Variants in PHLPP1 observed in about 807,000 individuals in gnomAD.
PHLPP1 encodes PH domain and leucine rich repeat protein phosphatase 1.
Under a neutral mutation model 117.2 loss-of-function variants are expected in PHLPP1, and 42 were observed. The observed-to-expected ratio is 0.36, with a 90% confidence interval of 0.28 to 0.46. The LOEUF (loss-of-function observed/expected upper bound fraction) is 0.46, where lower values mean the gene tolerates loss of function less well. Ranked by LOEUF, PHLPP1 falls within the 20% of genes least tolerant of loss-of-function variation. The probability of loss-of-function intolerance (pLI) is 1.00; values close to 1 mark genes in which losing one functional copy is unlikely to be tolerated. For missense variants in PHLPP1, 2,084 were observed against 2,241.9 expected, an observed-to-expected ratio of 0.93 and a Z score of 1.42; for synonymous variants, 1,042 against 970.7, an observed-to-expected ratio of 1.07 and a Z score of -1.37.
At chr18:62,755,551 G>A (rs923764021) in intron 1 of PHLPP1, among the ~76,000 whole-genome samples, 2 of 152,104 alleles carry the variant, frequency 1.3e-5, no homozygotes, top group Admixed American at 6.6e-5. Context: ...TATAAAAGAC[G>A]CCTGAGAGAG....
At chr18:62,802,705 A>C (rs879859591) in intron 1 of PHLPP1, among the ~76,000 whole-genome samples, 1 of 152,146 alleles carries the variant, frequency 6.6e-6, no homozygotes, top group Admixed American at 6.5e-5. Flanking sequence ...TACTGTGTGA[A>C]AACACCGAGA....
chr18:62,849,799 A>C (rs1915279987), intron 3 of PHLPP1, among the ~76,000 whole-genome samples: 1 of 26,916 alleles, frequency 3.7e-5, no homozygotes, highest in Non-Finnish European at 7.2e-5. Context: ...TGTCTCTACA[A>C]AAAAAAAAAA....
At chr18:62,887,478 T>C (rs1916312279) in intron 4 of PHLPP1, among the ~76,000 whole-genome samples, 1 of 152,242 alleles carries the variant, frequency 6.6e-6, no homozygotes, top group Non-Finnish European at 1.5e-5. Context: ...TTCTAGAGGC[T>C]GTGAAGTCCA....
At chr18:62,844,182 CA>C (rs1915120259) in intron 3 of PHLPP1, among the ~76,000 whole-genome samples, 1 of 151,794 alleles carries the variant, frequency 6.6e-6, no homozygotes, top group Admixed American at 6.6e-5. Flanking sequence ...ACAAAAAATA[CA>C]AAAATTAGCT....
At chr18:62,885,024 G>A (rs1204864735) in intron 4 of PHLPP1, among the ~76,000 whole-genome samples, 1 of 152,150 alleles carries the variant, frequency 6.6e-6, no homozygotes, top group African/African-American at 2.4e-5. Context: ...TCCTAAATAT[G>A]TACAAGCATA....
intron 4 of PHLPP1, among the ~76,000 whole-genome samples, chr18:62,884,746 G>A (rs1916246519): frequency 6.6e-6 from 1 of 152,194 alleles, no homozygotes; most frequent in South Asian, 2.1e-4. Flanking sequence ...CCCATTTGTG[G>A]TGAATAATAC....
chr18:62,955,896 A>G (rs1022049084), intron 12 of PHLPP1, among the ~76,000 whole-genome samples: 8 of 152,122 alleles, frequency 5.3e-5, no homozygotes, highest in African/African-American at 1.9e-4. Context: ...GATTGTGTAT[A>G]TCCCCATTTG....
At position 62,716,607 on chromosome 18, in the gene PHLPP1, C is replaced by T. The variant is rs1910748284; in HGVS notation, c.924C>T (p.Gly308=). 1.5e-6 allele frequency: 2 copies of T among 1,309,418 alleles called. No individual in the cohort carries two copies. The highest frequency in any genetic ancestry group is 3.2e-5 in the East Asian group (1 of 31,738). 81.1% of individuals were successfully genotyped at this position (1,309,418 alleles called of 1,614,324 possible). A position where few individuals can be genotyped will look rare whatever the true frequency, so the allele number is the denominator to read the frequency against. The part of the protein sequence containing the change: ...PPADLPLPVG[G]PGGWSRRASP... ...CCGACCTACCCCTGCCCGTCGGCGG[C>T]CCGGGCGGGTGGTCGCGCCGCGCCA... Residue 308 remains glycine (G), a synonymous_variant, in exon 1 of 17, where the codon GGC becomes GGT. Coordinates refer to ENST00000262719, the MANE Select transcript of PHLPP1 (RefSeq NM_194449.4). This position sits in a 1 kb window ranked among gnomAD's most constrained non-coding sequence, Gnocchi z 5.7.
intron 10 of PHLPP1, among the ~76,000 whole-genome samples, chr18:62,934,068 A>AT (rs1909898830): frequency 6.6e-6 from 1 of 152,140 alleles, no homozygotes; most frequent in Non-Finnish European, 1.5e-5. Flanking sequence ...AAGTCAAAAT[A>AT]TAACACATGT....
At chr18:62,923,479 A>G (rs1250631934) in intron 10 of PHLPP1, among the ~76,000 whole-genome samples, 2 of 152,212 alleles carry the variant, frequency 1.3e-5, no homozygotes, top group African/African-American at 4.8e-5. Context: ...AAGATTGTTA[A>G]TTATCTTGGG....
At chr18:62,913,905 G>A (rs1019717395) in intron 8 of PHLPP1, among the ~76,000 whole-genome samples, 6 of 151,790 alleles carry the variant, frequency 4.0e-5, no homozygotes, top group Admixed American at 1.3e-4. Flanking sequence ...CACCACACCC[G>A]GCTAATTTTT....
intron 2 of PHLPP1, among the ~76,000 whole-genome samples, chr18:62,836,811 C>G (rs1331928440): frequency 6.6e-6 from 1 of 151,588 alleles, no homozygotes; most frequent in African/African-American, 2.4e-5. Flanking sequence ...CCTATAATCC[C>G]AGCACTTTGG....
At chr18:62,886,338 G>A (rs927738485) in intron 4 of PHLPP1, among the ~76,000 whole-genome samples, 1 of 152,140 alleles carries the variant, frequency 6.6e-6, no homozygotes, top group African/African-American at 2.4e-5. Context: ...CCAGGCTGGA[G>A]CACAGTGGCA....
chr18:62,860,681 T>G, intron 4 of PHLPP1, 80 bp downstream of exon 4: 1 of 1,184,778 alleles, frequency 8.4e-7, no homozygotes, highest in Non-Finnish European at 1.2e-6. Context: ...TTGAATATTC[T>G]CATGAAAAAA....
chr18:62,952,743 C>T (rs181165270), intron 12 of PHLPP1, among the ~76,000 whole-genome samples: 4 of 152,290 alleles, frequency 2.6e-5, no homozygotes, highest in Admixed American at 2.0e-4. Flanking sequence ...GCTCCCACCT[C>T]GGCTTCCTGA....
intron 10 of PHLPP1, among the ~76,000 whole-genome samples, chr18:62,939,789 C>T (rs1054889457): frequency 6.6e-6 from 1 of 152,022 alleles, no homozygotes; most frequent in Admixed American, 6.6e-5. Context: ...AATTAGTGGA[C>T]TGAGAGCTTG....
chr18:62,740,817 C>T (rs963322524), intron 1 of PHLPP1, among the ~76,000 whole-genome samples: 1 of 152,044 alleles, frequency 6.6e-6, no homozygotes, highest in Non-Finnish European at 1.5e-5. Context: ...ACTAAAAATA[C>T]AAAAACTAGC....
At chr18:62,949,640 C>G (rs956826350) in intron 12 of PHLPP1, among the ~76,000 whole-genome samples, 3 of 152,226 alleles carry the variant, frequency 2.0e-5, no homozygotes, top group African/African-American at 7.2e-5. Context: ...TCGCATTGAT[C>G]TTTCAAACCC....
At chr18:62,767,484 C>G (rs112896120) in intron 1 of PHLPP1, among the ~76,000 whole-genome samples, 53 of 152,158 alleles carry the variant, frequency 3.5e-4, no homozygotes, top group African/African-American at 1.2e-3. Context: ...TCCATTCTTC[C>G]GTACATGAAA....
Sources: allele counts gnomAD v4.1 joint callset (sites outside exome capture counted in the v4.1 genomes callset), GRCh38; gene constraint gnomAD v4.1.1; non-coding constraint Gnocchi (gnomAD v3.1); transcripts MANE v1.5; gene names NCBI Gene and HGNC (gene_info 2026-07-23, HGNC 2026-07-21).